Variants in ATP6V0A2 observed in about 807,000 individuals in gnomAD.
ATP6V0A2 encodes ATPase H+ transporting V0 subunit a2.
A neutral mutation model predicts 104.4 loss-of-function variants in ATP6V0A2; 58 were observed. The ratio of observed to expected loss-of-function variants is 0.56; its 90% CI spans 0.45 to 0.69. The LOEUF (loss-of-function observed/expected upper bound fraction) is 0.69. Ranked by LOEUF, ATP6V0A2 falls within the 30% of genes least tolerant of loss-of-function variation. The pLI is 0.00. For synonymous variants in ATP6V0A2, 376 were observed against 397.9 expected (o/e 0.95, Z 0.65); for missense variants, 938 against 1,062.9 (o/e 0.88, Z 1.63).
intron 9 of ATP6V0A2, among the ~76,000 whole-genome samples, chr12:123,738,594 T>G (rs1377098127): frequency 1.3e-5 from 2 of 152,232 alleles, no homozygotes; most frequent in Non-Finnish European, 2.9e-5. Context: ...TATTTGTTTG[T>G]TTGTTTTGGC....
chr12:123,736,443 C>T (rs556118108), intron 8 of ATP6V0A2, among the ~76,000 whole-genome samples: 3 of 152,226 alleles, frequency 2.0e-5, no homozygotes, highest in South Asian at 2.1e-4. Context: ...CCACCCGCCT[C>T]GGCCTCCCAG....
intron 7 of ATP6V0A2, among the ~76,000 whole-genome samples, chr12:123,735,248 G>A (rs749230708): frequency 4.6e-5 from 7 of 151,998 alleles, no homozygotes; most frequent in Non-Finnish European, 1.0e-4. Context: ...CAAGGACATT[G>A]TTGAATTTTA....
Position 123,722,418 on chromosome 12 carries a change from G to A in ATP6V0A2, c.264G>A (p.Ala88=), listed in dbSNP as rs139785866. The A allele has an allele frequency of 2.5e-4, 399 of 1,611,782 alleles. 1 individual carries two copies. Among genetic ancestry groups the A allele is most frequent in the African/African-American group, 1.6e-3 (119 of 74,958 alleles). The change falls in exon 3 of 20, where the codon GCG becomes GCA. Residue 88 remains alanine, a synonymous_variant. Coordinates refer to ENST00000330342, the MANE Select transcript of ATP6V0A2 (RefSeq NM_012463.4). The part of the protein sequence containing the change: ...PLPEGEASPP[A]PPLKQVLEMQ... ...CTGAAGGAGAGGCCAGCCCTCCTGC[G>A]CCACCCCTGAAACAGGTTCTAGAAA...
chr12:123,737,849 C>T (rs1383955961), intron 9 of ATP6V0A2, among the ~76,000 whole-genome samples: 1 of 152,154 alleles, frequency 6.6e-6, no homozygotes, highest in Non-Finnish European at 1.5e-5. Flanking sequence ...CAAAATGGCA[C>T]TATTCATACT....
chr12:123,757,029 T>C (rs764343022), intron 19 of ATP6V0A2, 43 bp downstream of exon 19: 2 of 1,608,146 alleles, frequency 1.2e-6, no homozygotes, highest in Non-Finnish European at 1.7e-6. Flanking sequence ...TTAAAAAACA[T>C]ACCCGCCCCC....
Position 123,752,297 on chromosome 12 carries a change from T to G in ATP6V0A2, c.2070T>G (p.Leu690=), listed in dbSNP as rs1027242359. ...CFGVNRSGYT[L]IRKDSEEEVS... The stretch of plus-strand genomic sequence containing the variant: ...TTGGTTGTTAGAGTGGCTACACACT[T>G]ATAAGGAAAGATAGTGAGGAAGAAG... The change falls in exon 17 of 20, where the codon CTT becomes CTG. Residue 690 remains leucine (L), a synonymous_variant. Transcript: ENST00000330342. 6.2e-7 allele frequency: 1 copy of G among 1,614,166 alleles called. No individual in the cohort carries two copies. The highest frequency in any genetic ancestry group is 1.3e-5 in the African/African-American group (1 of 75,048).
intron 14 of ATP6V0A2, among the ~76,000 whole-genome samples, 188 bp downstream of exon 14, chr12:123,747,913 T>C (rs1237154171): frequency 6.6e-6 from 1 of 152,180 alleles, no homozygotes; most frequent in East Asian, 1.9e-4. Flanking sequence ...TATGTATTTA[T>C]CGAGCGCATA....
At chr12:123,728,677 G>A (rs1263533775) in intron 6 of ATP6V0A2, among the ~76,000 whole-genome samples, 32 of 152,196 alleles carry the variant, frequency 2.1e-4, no homozygotes, top group Admixed American at 2.1e-3. Flanking sequence ...CTTCTCATGA[G>A]TTGACTCAGG....
At chr12:123,745,267 G>C (rs1289323111) in intron 13 of ATP6V0A2, among the ~76,000 whole-genome samples, 3 of 152,204 alleles carry the variant, frequency 2.0e-5, no homozygotes. Context: ...GCCCTGAAAT[G>C]TGTGCCATTT....
chr12:123,717,590 G>A (rs746939950), intron 1 of ATP6V0A2, among the ~76,000 whole-genome samples: 2 of 151,612 alleles, frequency 1.3e-5, no homozygotes, highest in Non-Finnish European at 2.9e-5. Flanking sequence ...GACCACAGGC[G>A]TGCACCACCA....
chr12:123,751,946 T>A (rs571669776), intron 16 of ATP6V0A2, among the ~76,000 whole-genome samples: 1 of 149,600 alleles, frequency 6.7e-6, no homozygotes, highest in East Asian at 2.0e-4. Flanking sequence ...CTGCAACCTC[T>A]GCCCTCCGGG....
chr12:123,713,425 T>G (rs1244161194), intron 1 of ATP6V0A2, among the ~76,000 whole-genome samples: 1 of 152,224 alleles, frequency 6.6e-6, no homozygotes, highest in African/African-American at 2.4e-5. Context: ...GTCCATTTAC[T>G]TGTTTATTGT....
intron 1 of ATP6V0A2, 109 bp from the exon 2 acceptor site, chr12:123,718,514 A>G (rs539226765): frequency 1.2e-5 from 9 of 726,844 alleles, no homozygotes; most frequent in Admixed American, 1.0e-4. Context: ...GTTTCATTCA[A>G]TAGTATACAA....
intron 6 of ATP6V0A2, chr12:123,732,815 G>A (rs373055110): frequency 2.0e-5 from 3 of 147,780 alleles, no homozygotes; most frequent in Admixed American, 6.9e-5. Context: ...TCTACCTGGC[G>A]TACTTTCTTT....
At chr12:123,746,639 TAAAAAAAAAAA>T (rs760374381) in intron 13 of ATP6V0A2, among the ~76,000 whole-genome samples, 10 of 83,586 alleles carry the variant, frequency 1.2e-4, no homozygotes, top group South Asian at 8.3e-4. Context: ...CCCCTTACCT[TAAAAAAAAAAA>T]AAAAAAAAAA....
Position 123,712,533 on chromosome 12 carries a change from C to A in ATP6V0A2, c.-33C>A, listed in dbSNP as rs1265730482. The A allele has an allele frequency of 1.3e-6, 2 of 1,515,250 alleles. No individual in the cohort carries two copies. Among genetic ancestry groups the A allele is most frequent in the East Asian group, 5.0e-5 (2 of 40,204 alleles). The allele number at this position is 1,515,250 out of a possible 1,614,324, so 93.9% of individuals were successfully genotyped here. ...CGCGCGGCTCGGAGCCGCCGCCGCC[C>A]ATCGAGCCCCTCCGGGCGCGGGTCG... On this transcript the variant is annotated 5_prime_UTR_variant, in exon 1 of 20. Coordinates refer to ENST00000330342, the MANE Select transcript of ATP6V0A2 (RefSeq NM_012463.4).
At chr12:123,725,758 C>G (rs1024807639) in intron 4 of ATP6V0A2, among the ~76,000 whole-genome samples, 1 of 150,866 alleles carries the variant, frequency 6.6e-6, no homozygotes, top group African/African-American at 2.4e-5. Flanking sequence ...TGCACTCCAG[C>G]CTGGGCGACA....
At chr12:123,717,341 A>G (rs1275759969) in intron 1 of ATP6V0A2, among the ~76,000 whole-genome samples, 1 of 149,254 alleles carries the variant, frequency 6.7e-6, no homozygotes, top group Non-Finnish European at 1.5e-5. Flanking sequence ...AAAAAAGAGA[A>G]AGTCATCCCT....
chr12:123,754,834 G>T, intron 18 of ATP6V0A2: 2 of 446,556 alleles, frequency 4.5e-6, no homozygotes, highest in Non-Finnish European at 8.2e-6. Context: ...GAGACGGCTT[G>T]GGAGCCTCTG....
Sources: allele counts gnomAD v4.1 joint callset (sites outside exome capture counted in the v4.1 genomes callset), GRCh38; gene constraint gnomAD v4.1.1; transcripts MANE v1.5; gene names NCBI Gene and HGNC (gene_info 2026-07-23, HGNC 2026-07-21).